Variants in MAP3K4 observed in about 807,000 individuals in gnomAD.
MAP3K4 encodes the protein mitogen-activated protein kinase kinase kinase 4.
A neutral mutation model predicts 185.6 loss-of-function variants in MAP3K4; 67 were observed. The ratio of observed to expected loss-of-function variants is 0.36; its 90% CI spans 0.30 to 0.44. The LOEUF (loss-of-function observed/expected upper bound fraction) is 0.44, where lower values mean the gene tolerates loss of function less well. Among genes scored for constraint, MAP3K4 ranks in the 20% least tolerant of loss-of-function variants. The pLI is 1.00. For missense variants in MAP3K4, 1,551 were observed against 1,995.1 expected (o/e 0.78, Z 4.24); for synonymous variants, 702 against 710.4 (o/e 0.99, Z 0.19).
rs1485732010 is a variant in MAP3K4 at position 161,034,784 on chromosome 6, A to C, written c.343+335A>C. On this transcript the variant is annotated intron_variant, in intron 2 of 26. Coordinates refer to ENST00000392142, the MANE Select transcript of MAP3K4 (RefSeq NM_005922.4). This position sits in a 1 kb window ranked among gnomAD's most constrained non-coding sequence, Gnocchi z 4.4. ...CTATTCTTTCAGTCTCTTAGGCTGA[A>C]GTTTCTAGATTTCCTCTGCCCAGAA... 6.6e-6 allele frequency among the ~76,000 whole-genome samples: 1 copy of C among 152,106 alleles called. No individual in the cohort carries two copies. The highest frequency in any genetic ancestry group is 2.4e-5 in the African/African-American group (1 of 41,408).
rs1237215672 is a variant in MAP3K4 at position 161,076,384 on chromosome 6, T to C, written c.2097+2772T>C. On this transcript the variant is annotated intron_variant, in intron 5 of 26. Transcript: ENST00000392142. This position sits in a 1 kb window ranked among gnomAD's most constrained non-coding sequence, Gnocchi z 4.2. The stretch of plus-strand genomic sequence containing the variant: ...TTAGCAGGGGGAGGGGAAGCAGTGA[T>C]TAGCAAGTTATGATGCAGAAATTCT... Among the ~76,000 whole-genome samples the C allele has an allele frequency of 6.6e-6, 1 of 152,182 alleles. No individual in the cohort carries two copies. The highest frequency in any genetic ancestry group is 1.5e-5 in the Non-Finnish European group (1 of 68,014).
intron 2 of MAP3K4, among the ~76,000 whole-genome samples, chr6:161,041,379 G>T (rs1217957393): frequency 6.6e-6 from 1 of 152,158 alleles, no homozygotes; most frequent in Non-Finnish European, 1.5e-5. Flanking sequence ...GTCATCCCTG[G>T]TCCTTCCCCT....
chr6:161,102,050 C>G (rs1777861546), intron 18 of MAP3K4, 58 bp downstream of exon 18: 1 of 1,403,390 alleles, frequency 7.1e-7, no homozygotes, highest in Non-Finnish European at 1.0e-6. Context: ...TGTCTCAGTT[C>G]ACCAGTTTCT....
intron 2 of MAP3K4, among the ~76,000 whole-genome samples, chr6:161,045,190 T>C (rs1165732719): frequency 6.6e-6 from 1 of 152,138 alleles, no homozygotes; most frequent in East Asian, 1.9e-4. Context: ...ATTTTGTGTA[T>C]ATTTTTCCAA....
In MAP3K4 at chr6:161,114,892, T is replaced by C. The variant is rs1029833692; in HGVS notation, c.4627-231T>C. On this transcript the variant is annotated intron_variant, in intron 25 of 26. Coordinates refer to ENST00000392142, the MANE Select transcript of MAP3K4 (RefSeq NM_005922.4). The surrounding 1 kb of genome is among the most constrained non-coding windows in gnomAD (Gnocchi z 4.3). ...AAATAAAGTTTTGTTGGAACAGTCA[T>C]ATTCATTTATGTGTTGTCCATAGCT... Among the ~76,000 whole-genome samples the C allele has an allele frequency of 1.3e-5, 2 of 152,208 alleles. No individual in the cohort carries two copies. Among genetic ancestry groups the C allele is most frequent in the African/African-American group, 4.8e-5 (2 of 41,438 alleles).
chr6:160,995,636 A>C (rs901592647), intron 1 of MAP3K4, among the ~76,000 whole-genome samples: 1 of 152,260 alleles, frequency 6.6e-6, no homozygotes, highest in African/African-American at 2.4e-5. Flanking sequence ...TTGATAAAGA[A>C]TTCATGATAA....
intron 3 of MAP3K4, among the ~76,000 whole-genome samples, chr6:161,065,939 A>AAT (rs1784691767): frequency 7.2e-6 from 1 of 138,872 alleles, no homozygotes; most frequent in Admixed American, 6.9e-5. Flanking sequence ...CTCCGTCTCA[A>AAT]AAAAAAAAAA....
At chr6:161,026,426 T>G (rs116852456) in intron 1 of MAP3K4, among the ~76,000 whole-genome samples, 1 of 152,054 alleles carries the variant, frequency 6.6e-6, no homozygotes, top group African/African-American at 2.4e-5. Context: ...TGAGCCACCG[T>G]GCCCGGTCAG....
chr6:161,089,525 G>C, intron 11 of MAP3K4, 54 bp downstream of exon 11: 2 of 1,597,420 alleles, frequency 1.3e-6, no homozygotes, highest in Non-Finnish European at 1.7e-6. Flanking sequence ...ATGAAAGTCA[G>C]TGTGTGGTAA....
chr6:161,050,795 G>T (rs1393245764), intron 3 of MAP3K4, among the ~76,000 whole-genome samples: 1 of 152,190 alleles, frequency 6.6e-6, no homozygotes, highest in Non-Finnish European at 1.5e-5. Flanking sequence ...ATGTTCGTCT[G>T]GCTAAAAGTG....
At chr6:161,001,648 T>C (rs1781327237) in intron 1 of MAP3K4, among the ~76,000 whole-genome samples, 1 of 152,228 alleles carries the variant, frequency 6.6e-6, no homozygotes, top group Non-Finnish European at 1.5e-5. Context: ...AGCAGGTTCT[T>C]TGCTGACACT....
Position 161,076,894 on chromosome 6 carries a change from G to C in MAP3K4, c.2097+3282G>C, listed in dbSNP as rs554345007. Among the ~76,000 whole-genome samples the C allele has an allele frequency of 2.1e-4, 32 of 152,276 alleles. No homozygotes were observed. The highest frequency in any genetic ancestry group is 7.0e-4 in the African/African-American group (29 of 41,554). Reference sequence around the variant, plus strand: ...TCCCTCTTAGAGTTTAAGAATAGGGGGGTCCATGGTGATTGTAGAACCATG... The same window carrying C: ...TCCCTCTTAGAGTTTAAGAATAGGGCGGTCCATGGTGATTGTAGAACCATG... On this transcript the variant is annotated intron_variant, in intron 5 of 26. Transcript: ENST00000392142. This position sits in a 1 kb window ranked among gnomAD's most constrained non-coding sequence, Gnocchi z 4.2.
At chr6:161,079,431 G>A (rs553105105) in intron 5 of MAP3K4, among the ~76,000 whole-genome samples, 6 of 151,934 alleles carry the variant, frequency 3.9e-5, no homozygotes, top group African/African-American at 1.2e-4. Context: ...TACGAAATTA[G>A]CCAGTTGTGG....
chr6:161,060,624 T>C (rs1051056176), intron 3 of MAP3K4, among the ~76,000 whole-genome samples: 17 of 148,184 alleles, frequency 1.1e-4, no homozygotes, highest in Non-Finnish European at 2.2e-4. Flanking sequence ...TTTTCTTTTT[T>C]TTTTTTTTTT....
At chr6:161,113,241 T>C (rs1171771743) in intron 25 of MAP3K4, among the ~76,000 whole-genome samples, 2 of 152,176 alleles carry the variant, frequency 1.3e-5, no homozygotes, top group Non-Finnish European at 1.5e-5. Context: ...GAACCTTCAA[T>C]GCATGTGGCT....
In MAP3K4 at chr6:161,087,659, C is replaced by G. The variant is rs1263442032; in HGVS notation, c.2557-29C>G. 1 of 1,611,070 alleles carries G rather than the reference C, an allele frequency of 6.2e-7. No homozygotes were observed. Among genetic ancestry groups the G allele is most frequent in the Non-Finnish European group, 8.5e-7 (1 of 1,179,124 alleles). ...CCTATTTCTCTAATGTACAGTGTTCCTTAAGATTTTGGATTATGTCTTTTG... is the reference window on the plus strand; with the variant it reads ...CCTATTTCTCTAATGTACAGTGTTCGTTAAGATTTTGGATTATGTCTTTTG... On this transcript the variant is annotated intron_variant, in intron 9 of 26. Transcript: ENST00000392142. This position sits in a 1 kb window ranked among gnomAD's most constrained non-coding sequence, Gnocchi z 4.9.
chr6:161,065,339 G>T (rs1478297840), intron 3 of MAP3K4, among the ~76,000 whole-genome samples: 1 of 152,078 alleles, frequency 6.6e-6, no homozygotes, highest in African/African-American at 2.4e-5. Context: ...CTTGATCTGG[G>T]GTTTTACACT....
chr6:161,020,614 C>T (rs1328034715), intron 1 of MAP3K4, among the ~76,000 whole-genome samples: 2 of 147,738 alleles, frequency 1.4e-5, no homozygotes, highest in Non-Finnish European at 3.0e-5. Context: ...GCCGAGATCG[C>T]ACCACTGCAC....
At chr6:161,068,841 CAG>C (rs756848103) in intron 3 of MAP3K4, among the ~76,000 whole-genome samples, 29 of 152,208 alleles carry the variant, frequency 1.9e-4, no homozygotes, top group Non-Finnish European at 4.0e-4. Context: ...AACACAGAAA[CAG>C]GGAATCATCT....
Sources: gnomAD v4.1 joint callset for allele counts (sites outside exome capture counted in the v4.1 genomes callset) on GRCh38, gnomAD v4.1.1 for gene constraint, Gnocchi (gnomAD v3.1) non-coding constraint, MANE v1.5 for transcripts, NCBI Gene and HGNC (gene_info 2026-07-23, HGNC 2026-07-21) for gene names.